The following RGS6 variants were observed in gnomAD, a reference collection of about 807,000 sequenced individuals.
RGS6 encodes regulator of G-protein signaling 6.
In RGS6, 30 loss-of-function variants were observed where a neutral mutation model predicts 78.5. The observed-to-expected ratio is 0.38, with a 90% CI of 0.29 to 0.52. The LOEUF (loss-of-function observed/expected upper bound fraction) is 0.52, where lower values mean the gene tolerates loss of function less well. RGS6 is among the 20% of genes least tolerant of loss of function. The pLI, the probability that RGS6 is intolerant of heterozygous loss-of-function variation, is 0.85. For synonymous variants in RGS6, 206 were observed against 206.0 expected (o/e 1.00, Z 0.00); for missense variants, 495 against 609.7 (o/e 0.81, Z 1.98).
intron 2 of RGS6, among the ~76,000 whole-genome samples, chr14:72,157,642 C>T (rs911597365): frequency 2.0e-4 from 31 of 152,184 alleles, no homozygotes; most frequent in African/African-American, 7.5e-4. Flanking sequence ...TTCCTGGAGG[C>T]AGTGGGGGAG....
intron 2 of RGS6, among the ~76,000 whole-genome samples, chr14:72,050,604 T>G (rs914215626): frequency 6.6e-6 from 1 of 152,188 alleles, no homozygotes; most frequent in East Asian, 1.9e-4. Flanking sequence ...AATGAAAGAT[T>G]ATATATCTGA....
chr14:71,937,995 C>T (rs538682516), intron 1 of RGS6, among the ~76,000 whole-genome samples: 3 of 152,150 alleles, frequency 2.0e-5, no homozygotes, highest in Non-Finnish European at 4.4e-5. Flanking sequence ...TGTTGCTGAG[C>T]CCATGCATAA....
At chr14:72,407,530 T>C (rs1351642955) in intron 3 of RGS6, among the ~76,000 whole-genome samples, 1 of 152,238 alleles carries the variant, frequency 6.6e-6, no homozygotes, top group Non-Finnish European at 1.5e-5. Context: ...TACTCAGATA[T>C]TTGGTCAAAC....
the RGS6 span, among the ~76,000 whole-genome samples, chr14:72,593,043 G>A: frequency 6.6e-6 from 1 of 152,148 alleles, no homozygotes; most frequent in Non-Finnish European, 1.5e-5. Flanking sequence ...AAGAAAAGCT[G>A]AGATGATTTC....
intron 2 of RGS6, among the ~76,000 whole-genome samples, chr14:72,112,168 G>A (rs1567227295): frequency 6.6e-6 from 1 of 152,208 alleles, no homozygotes; most frequent in African/African-American, 2.4e-5. Context: ...TGTGCTCTCA[G>A]CCACAGATGG....
intron 17 of RGS6, among the ~76,000 whole-genome samples, chr14:72,542,814 T>G (rs1290869501): frequency 6.6e-6 from 1 of 151,530 alleles, no homozygotes; most frequent in Non-Finnish European, 1.5e-5. Context: ...AAATTGTTCT[T>G]TCCAAGTCTT....
intron 2 of RGS6, among the ~76,000 whole-genome samples, chr14:72,268,195 C>T (rs1238068694): frequency 2.8e-4 from 42 of 152,270 alleles, no homozygotes; most frequent in East Asian, 1.9e-4. Context: ...ACTGTGCTTC[C>T]GGGGGAGCTC....
chr14:72,066,808 A>AT (rs60072172), intron 2 of RGS6, among the ~76,000 whole-genome samples: 7,636 of 140,712 alleles, frequency 0.054, 260 homozygotes, highest in African/African-American at 0.088. Context: ...TTTAGAGGCA[A>AT]TTTTTTTTTT....
chr14:71,977,788 A>G (rs1346671133), intron 2 of RGS6, among the ~76,000 whole-genome samples: 1 of 151,870 alleles, frequency 6.6e-6, no homozygotes, highest in Non-Finnish European at 1.5e-5. Context: ...AGTTTTTTCC[A>G]ATTCTGTGAA....
chr14:72,170,137 C>A lies in RGS6; in HGVS notation c.85-181958C>A, dbSNP rs115328050. The stretch of plus-strand genomic sequence containing the variant: ...GTTGTTTGTTATAGCAGTTAGTCTT[C>A]CCTGGATAATATACTCACAAAGTAT... On this transcript the variant is annotated intron_variant, in intron 2 of 17. Transcript: ENST00000553525. Among the ~76,000 whole-genome samples the A allele has an allele frequency of 9.8e-3, 1,493 of 152,184 alleles. 17 individuals carry two copies. The highest frequency in any genetic ancestry group is 0.034 in the African/African-American group (1,420 of 41,506).
chr14:72,399,639 A>C (rs914454124), intron 3 of RGS6, among the ~76,000 whole-genome samples: 9 of 152,106 alleles, frequency 5.9e-5, no homozygotes, highest in Non-Finnish European at 4.4e-5. Context: ...TGGTCTTTAC[A>C]ATTTGGCATG....
Position 72,542,113 on chromosome 14 carries a change from A to AAAAAAAACAC in RGS6, c.1422+2019_1422+2020insAAAAAAACAC, listed in dbSNP as rs375561739. On this transcript the variant is annotated intron_variant, in intron 17 of 17. Transcript: ENST00000553525. ...TAAAAGGCCCAAACTATTAAAAAAAACTAAATTCCTAAATTCCCTGCTATT... is the reference window on the plus strand; with the variant it reads ...TAAAAGGCCCAAACTATTAAAAAAAAAAAAAAACACCTAAATTCCTAAATTCCCTGCTATT... Among the ~76,000 whole-genome samples, 543 of 152,182 alleles carry AAAAAAAACAC rather than the reference A, an allele frequency of 3.6e-3. 4 individuals are homozygous for AAAAAAAACAC. Among genetic ancestry groups the AAAAAAAACAC allele is most frequent in the African/African-American group, 0.012 (517 of 41,474 alleles).
At chr14:72,246,524 TCTAA>T (rs2153832871) in intron 2 of RGS6, among the ~76,000 whole-genome samples, 1 of 152,358 alleles carries the variant, frequency 6.6e-6, no homozygotes. Flanking sequence ...GTGATAGTTT[TCTAA>T]CTGACTTGAA....
chr14:72,560,796 ACGTGTGTG>A (rs999915986), intron 17 of RGS6, among the ~76,000 whole-genome samples: 11 of 83,314 alleles, frequency 1.3e-4, no homozygotes, highest in African/African-American at 4.3e-5. Flanking sequence ...GATTTTGTGG[ACGTGTGTG>A]TGTGTGTGTG....
At chr14:72,273,885 T>C (rs2060296327) in intron 2 of RGS6, among the ~76,000 whole-genome samples, 1 of 152,090 alleles carries the variant, frequency 6.6e-6, no homozygotes, top group Admixed American at 6.6e-5. Context: ...CAGATAGAAG[T>C]GGAATTTCCT....
intron 2 of RGS6, among the ~76,000 whole-genome samples, chr14:72,101,606 G>T (rs1482958974): frequency 1.3e-5 from 2 of 152,192 alleles, no homozygotes; most frequent in African/African-American, 4.8e-5. Flanking sequence ...AGGCAGAGGG[G>T]TTGCTGCCTG....
the RGS6 span, among the ~76,000 whole-genome samples, chr14:71,894,181 A>G: frequency 2.0e-5 from 3 of 152,218 alleles, no homozygotes; most frequent in South Asian, 6.2e-4. Context: ...GGGCTAGGAA[A>G]ATGAGGCTGA....
At chr14:72,202,479 T>C (rs975273624) in intron 2 of RGS6, among the ~76,000 whole-genome samples, 2 of 152,142 alleles carry the variant, frequency 1.3e-5, no homozygotes, top group African/African-American at 4.8e-5. Flanking sequence ...CCATTACACA[T>C]CCCTGTGTAT....
intron 12 of RGS6, among the ~76,000 whole-genome samples, chr14:72,481,269 T>A (rs565608464): frequency 1.2e-4 from 19 of 152,286 alleles, no homozygotes; most frequent in African/African-American, 4.6e-4. Context: ...GAATAATAAT[T>A]ATTTTCCAGC....
Sources: allele counts gnomAD v4.1 joint callset (sites outside exome capture counted in the v4.1 genomes callset), GRCh38; gene constraint gnomAD v4.1.1; transcripts MANE v1.5; gene names NCBI Gene and HGNC (gene_info 2026-07-23, HGNC 2026-07-21).